The following NETO2 variants were observed in gnomAD, a reference collection of about 807,000 sequenced individuals.
The protein encoded by NETO2 is neuropilin and tolloid-like protein 2.
In NETO2, 28 loss-of-function variants were observed where a neutral mutation model predicts 62.5. The observed-to-expected ratio is 0.45, with a 90% CI of 0.33 to 0.61. NETO2 has a LOEUF of 0.61. Ranked by LOEUF, NETO2 falls within the 20% of genes least tolerant of loss-of-function variation. The probability of loss-of-function intolerance (pLI) is 0.02; values close to 1 mark genes in which losing one functional copy is unlikely to be tolerated. For missense variants in NETO2, 548 were observed against 643.2 expected (o/e 0.85, Z 1.60); for synonymous variants, 214 against 219.1 (o/e 0.98, Z 0.21).
At chr16:47,138,460 A>G (rs1208921966) in intron 1 of NETO2, among the ~76,000 whole-genome samples, 1 of 152,218 alleles carries the variant, frequency 6.6e-6, no homozygotes, top group African/African-American at 2.4e-5. Context: ...TAAAAGTTTA[A>G]ACAACAAAAA....
At chr16:47,129,920 G>A (rs999251014) in intron 2 of NETO2, among the ~76,000 whole-genome samples, 4 of 152,224 alleles carry the variant, frequency 2.6e-5, no homozygotes, top group Admixed American at 6.5e-5. Flanking sequence ...GTACCAGGAA[G>A]TGGGGTTGGG....
chr16:47,112,425 C>T (rs964827262), intron 6 of NETO2, among the ~76,000 whole-genome samples: 4 of 152,164 alleles, frequency 2.6e-5, no homozygotes, highest in East Asian at 1.9e-4. Flanking sequence ...GTCGCGTGAT[C>T]GCGGCTCTCA....
intron 7 of NETO2, among the ~76,000 whole-genome samples, chr16:47,103,095 G>T (rs1234191477): frequency 6.6e-6 from 1 of 152,120 alleles, no homozygotes; most frequent in Admixed American, 6.5e-5. Context: ...ATATACCATG[G>T]AATACTATGC....
chr16:47,092,492 T>C (rs980112606), intron 7 of NETO2, among the ~76,000 whole-genome samples: 2 of 152,204 alleles, frequency 1.3e-5, no homozygotes, highest in African/African-American at 2.4e-5. Context: ...TTTATAATGA[T>C]AGCACACGTC....
intron 1 of NETO2, among the ~76,000 whole-genome samples, chr16:47,138,804 G>C (rs1180489198): frequency 6.6e-6 from 1 of 152,120 alleles, no homozygotes; most frequent in Non-Finnish European, 1.5e-5. Flanking sequence ...CTCTGACTTC[G>C]GAGGTACTAT....
intron 6 of NETO2, among the ~76,000 whole-genome samples, chr16:47,115,673 G>T (rs1260658171): frequency 7.5e-6 from 1 of 132,836 alleles, no homozygotes; most frequent in Non-Finnish European, 1.5e-5. Context: ...GACTACAGCT[G>T]CAGCCACCAT....
intron 3 of NETO2, among the ~76,000 whole-genome samples, 156 bp from the exon 4 acceptor site, chr16:47,128,729 T>C (rs971604331): frequency 6.6e-6 from 1 of 152,246 alleles, no homozygotes; most frequent in Non-Finnish European, 1.5e-5. Flanking sequence ...AAATGTATCT[T>C]ACATTAAAAA....
At chr16:47,092,269 C>T (rs1963328477) in intron 7 of NETO2, among the ~76,000 whole-genome samples, 1 of 152,134 alleles carries the variant, frequency 6.6e-6, no homozygotes, top group Admixed American at 6.5e-5. Context: ...CTGGCGGCTC[C>T]CTTTTGTTGT....
chr16:47,097,685 C>T (rs145078514), intron 7 of NETO2, among the ~76,000 whole-genome samples: 1 of 152,352 alleles, frequency 6.6e-6, no homozygotes, highest in East Asian at 1.9e-4. Context: ...AAGGGACATA[C>T]TGCCTCCTCA....
Position 47,134,641 on chromosome 16 carries a change from T to C in NETO2, c.35-2616A>G, listed in dbSNP as rs185654177. ...TCCTCCTTAATCACAGGTGTAACTATTTACCAGTTTGACATTTACAAATCC... is the reference window on the plus strand; with the variant it reads ...TCCTCCTTAATCACAGGTGTAACTACTTACCAGTTTGACATTTACAAATCC... On this transcript the variant is annotated intron_variant, in intron 1 of 8. Transcript: ENST00000562435. 3.3e-5 allele frequency among the ~76,000 whole-genome samples: 5 copies of C among 152,302 alleles called. No homozygotes were observed. The East Asian group carries it at 9.7e-4, about 29-fold the overall frequency.
At chr16:47,105,025 T>TTTTC (rs111352575) in intron 7 of NETO2, among the ~76,000 whole-genome samples, 21,681 of 151,856 alleles carry the variant, frequency 0.14, 3,559 homozygotes, top group African/African-American at 0.41. Flanking sequence ...TGGCCTTTTT[T>TTTTC]TTTTTCTTTT....
At chr16:47,089,462 CTA>C (rs983906838) in intron 7 of NETO2, among the ~76,000 whole-genome samples, 10 of 152,260 alleles carry the variant, frequency 6.6e-5, no homozygotes, top group African/African-American at 2.2e-4. Context: ...TTTGATGAGA[CTA>C]TGCAATCAGT....
intron 7 of NETO2, among the ~76,000 whole-genome samples, chr16:47,107,906 G>T (rs557919446): frequency 6.6e-5 from 10 of 152,158 alleles, no homozygotes; most frequent in African/African-American, 2.4e-4. Context: ...CTCCTGAGTA[G>T]CTGGGACTAT....
Position 47,143,846 on chromosome 16 carries a change from C to A in NETO2, c.-234G>T, listed in dbSNP as rs1307083560. The A allele has an allele frequency of 5.1e-6, 2 of 395,470 alleles. No individual in the cohort carries two copies. The highest frequency in any genetic ancestry group is 7.9e-6 in the Non-Finnish European group (2 of 253,406). The allele number at this position is 395,470 out of a possible 1,614,324, so 24.5% of individuals were successfully genotyped here. On this transcript the variant is annotated 5_prime_UTR_variant, in exon 1 of 9. Coordinates refer to ENST00000562435, the MANE Select transcript of NETO2 (RefSeq NM_018092.5). Reference sequence around the variant, plus strand: ...GGGCGCCGCCTCCTGCTCCGCGGCGCCCCGTCCCATCGACCGCCCGAGGGC... The same window carrying A: ...GGGCGCCGCCTCCTGCTCCGCGGCGACCCGTCCCATCGACCGCCCGAGGGC...
intron 1 of NETO2, among the ~76,000 whole-genome samples, chr16:47,142,159 T>C (rs1162663733): frequency 6.6e-6 from 1 of 152,182 alleles, no homozygotes; most frequent in Admixed American, 6.5e-5. Context: ...AGTAAAAACA[T>C]TCCTTTCCCA....
rs1401737254 is a variant in NETO2 at position 47,082,251 on chromosome 16, T to A, written c.*970A>T. On this transcript the variant is annotated 3_prime_UTR_variant, in exon 9 of 9. Transcript: ENST00000562435. The stretch of plus-strand genomic sequence containing the variant: ...AATTTCTAAGGAATTTTAACTGGCA[T>A]CTAACCTTGGTTACCATATGCTGTA... 1 of 152,592 alleles carries A rather than the reference T, an allele frequency of 6.6e-6. No homozygotes were observed. The highest frequency in any genetic ancestry group is 2.4e-5 in the African/African-American group (1 of 41,462). 9.5% of individuals were successfully genotyped at this position (152,592 alleles called of 1,614,324 possible).
chr16:47,120,036 G>C (rs1964005227), intron 6 of NETO2, among the ~76,000 whole-genome samples: 2 of 152,064 alleles, frequency 1.3e-5, no homozygotes, highest in South Asian at 4.1e-4. Flanking sequence ...TTAACTTTTT[G>C]TATGCTTGAA....
chr16:47,100,565 TAAAG>T (rs1249124182), intron 7 of NETO2, among the ~76,000 whole-genome samples: 1 of 151,018 alleles, frequency 6.6e-6, no homozygotes, highest in Non-Finnish European at 1.5e-5. Flanking sequence ...GTCAGACTAA[TAAAG>T]AAGAAAAGAG....
At chr16:47,109,455 C>A (rs759889340) in intron 7 of NETO2, 28 bp downstream of exon 7, 2 of 1,518,066 alleles carry the variant, frequency 1.3e-6, no homozygotes, top group African/African-American at 2.7e-5. Flanking sequence ...TGTAAAAGAT[C>A]TCAATACTAT....
Sources: gnomAD v4.1 joint callset for allele counts (sites outside exome capture counted in the v4.1 genomes callset) on GRCh38, gnomAD v4.1.1 for gene constraint, MANE v1.5 for transcripts, NCBI Gene and HGNC (gene_info 2026-07-23, HGNC 2026-07-21) for gene names.